CFAP299: variants seen among roughly 807,000 people sequenced by gnomAD.
The protein encoded by CFAP299 is cilia- and flagella-associated protein 299.
A neutral mutation model predicts 27.0 loss-of-function variants in CFAP299; 21 were observed. The ratio of observed to expected loss-of-function variants is 0.78; its 90% CI spans 0.55 to 1.12. CFAP299 has a LOEUF of 1.12. Ranked by LOEUF, CFAP299 falls within the 50% of genes most tolerant of loss-of-function variation. CFAP299 has a pLI of 0.00. For synonymous variants in CFAP299, 104 were observed against 98.1 expected (o/e 1.06, Z -0.36); for missense variants, 310 against 276.6 (o/e 1.12, Z -0.86).
intron 2 of CFAP299, among the ~76,000 whole-genome samples, chr4:80,421,180 G>T (rs1457416877): frequency 2.6e-5 from 4 of 152,116 alleles, no homozygotes; most frequent in Non-Finnish European, 5.9e-5. Context: ...GGGATCTCAT[G>T]ACCTTTTATT....
chr4:80,521,473 A>G (rs1217283249), intron 2 of CFAP299, among the ~76,000 whole-genome samples: 1 of 152,184 alleles, frequency 6.6e-6, no homozygotes, highest in Non-Finnish European at 1.5e-5. Flanking sequence ...GGAAAAAACT[A>G]CATACATGAA....
chr4:80,524,803 C>T (rs1412332672), intron 2 of CFAP299, among the ~76,000 whole-genome samples: 1 of 152,116 alleles, frequency 6.6e-6, no homozygotes, highest in Non-Finnish European at 1.5e-5. Flanking sequence ...TAACTCTCAT[C>T]TATTATGTCA....
At chr4:80,608,408 T>C (rs1259824996) in intron 3 of CFAP299, 3 of 1,472,918 alleles carry the variant, frequency 2.0e-6, no homozygotes, top group Non-Finnish European at 2.8e-6. Context: ...TGGAAAAGTT[T>C]CCTTTACAAG....
chr4:80,655,155 C>T (rs1482941761), intron 3 of CFAP299, among the ~76,000 whole-genome samples: 1 of 152,102 alleles, frequency 6.6e-6, no homozygotes, highest in East Asian at 1.9e-4. Context: ...AAATGACAGA[C>T]AGTCAAAACT....
At chr4:80,875,874 A>C (rs954183411) in intron 4 of CFAP299, among the ~76,000 whole-genome samples, 1 of 151,850 alleles carries the variant, frequency 6.6e-6, no homozygotes, top group Non-Finnish European at 1.5e-5. Context: ...TTAAACTGCT[A>C]TCTTAGATTC....
At chr4:80,534,320 A>G (rs1198395457) in intron 2 of CFAP299, among the ~76,000 whole-genome samples, 1 of 151,376 alleles carries the variant, frequency 6.6e-6, no homozygotes, top group East Asian at 1.9e-4. Flanking sequence ...TCTGTGGAAA[A>G]AAAAAAAAAA....
At chr4:80,730,248 CTGTGTGTG>C (rs34594345) in intron 3 of CFAP299, among the ~76,000 whole-genome samples, 15 of 130,876 alleles carry the variant, frequency 1.1e-4, no homozygotes, top group South Asian at 5.0e-4. Context: ...CTCTCTCTCT[CTGTGTGTG>C]TGTGTGTGTG....
chr4:80,871,437 T>C, intron 4 of CFAP299: 1 of 985,422 alleles, frequency 1.0e-6, no homozygotes. Context: ...AAACTGTGGA[T>C]TGCTGTGCTA....
chr4:80,761,672 T>C (rs1725546995), intron 3 of CFAP299, among the ~76,000 whole-genome samples: 1 of 152,022 alleles, frequency 6.6e-6, no homozygotes, highest in Admixed American at 6.6e-5. Context: ...ATTAAAAAAC[T>C]TTTATTATTG....
intron 2 of CFAP299, among the ~76,000 whole-genome samples, chr4:80,507,731 T>C (rs1436916765): frequency 1.3e-5 from 2 of 152,122 alleles, no homozygotes; most frequent in East Asian, 3.9e-4. Flanking sequence ...AGCCCCCAGT[T>C]TGATGCTCTT....
chr4:80,413,761 T>TTTTC (rs1726852443), intron 2 of CFAP299, among the ~76,000 whole-genome samples: 1 of 150,060 alleles, frequency 6.7e-6, no homozygotes, highest in Admixed American at 6.6e-5. Flanking sequence ...TTTTTTTTTT[T>TTTTC]TTTTTTGCTT....
At chr4:80,447,130 GTTTTTTTTTT>G (rs1553923883) in intron 2 of CFAP299, among the ~76,000 whole-genome samples, 2 of 105,320 alleles carry the variant, frequency 1.9e-5, no homozygotes, top group African/African-American at 4.4e-5. Context: ...TTTTTTTTTT[GTTTTTTTTTT>G]TTTTTTTTTT....
chr4:80,367,681 C>T (rs1259488400), intron 2 of CFAP299, among the ~76,000 whole-genome samples: 2 of 151,466 alleles, frequency 1.3e-5, no homozygotes, highest in African/African-American at 4.8e-5. Context: ...ATAAACATCT[C>T]TGATTTCTTC....
intron 4 of CFAP299, among the ~76,000 whole-genome samples, chr4:80,908,530 A>G (rs2110201469): frequency 6.6e-6 from 1 of 152,296 alleles, no homozygotes; most frequent in East Asian, 1.9e-4. Flanking sequence ...CACATGCCAG[A>G]ATTTTACTCT....
intron 2 of CFAP299, among the ~76,000 whole-genome samples, chr4:80,496,470 A>G (rs758585535): frequency 2.7e-4 from 41 of 152,126 alleles, no homozygotes; most frequent in Non-Finnish European, 4.6e-4. Flanking sequence ...CCTCATTTCC[A>G]TGTGAGATCT....
chr4:80,794,608 G>A (rs553634511), intron 3 of CFAP299, among the ~76,000 whole-genome samples: 14 of 152,262 alleles, frequency 9.2e-5, no homozygotes, highest in South Asian at 2.1e-4. Context: ...TGAATTCCAT[G>A]AGCATGAGCC....
At chr4:80,731,035 T>C (rs1723491454) in intron 3 of CFAP299, among the ~76,000 whole-genome samples, 1 of 152,186 alleles carries the variant, frequency 6.6e-6, no homozygotes, top group African/African-American at 2.4e-5. Flanking sequence ...TTATTATACA[T>C]ATTATTTGAT....
chr4:80,709,420 A>G (rs1722010646), intron 3 of CFAP299, among the ~76,000 whole-genome samples: 1 of 150,644 alleles, frequency 6.6e-6, no homozygotes, highest in Non-Finnish European at 1.5e-5. Context: ...AAACACAGTT[A>G]CAAAGTGCTG....
intron 3 of CFAP299, among the ~76,000 whole-genome samples, chr4:80,727,077 C>T (rs967859798): frequency 6.6e-6 from 1 of 151,964 alleles, no homozygotes; most frequent in Non-Finnish European, 1.5e-5. Flanking sequence ...AGGGCAATGT[C>T]ATGTATGTTC....
Sources: gnomAD v4.1 joint callset for allele counts (sites outside exome capture counted in the v4.1 genomes callset) on GRCh38, gnomAD v4.1.1 for gene constraint, MANE v1.5 for transcripts, NCBI Gene and HGNC (gene_info 2026-07-23, HGNC 2026-07-21) for gene names.